Variants in NRROS observed in about 807,000 individuals in gnomAD.
The protein encoded by NRROS is transforming growth factor beta activator LRRC33.
In NRROS, 6 loss-of-function variants were observed where a neutral mutation model predicts 12.0. The observed-to-expected ratio is 0.50, with a 90% CI of 0.27 to 0.98. The LOEUF is 0.98. NRROS is among the 50% of genes least tolerant of loss of function. The probability of loss-of-function intolerance (pLI) is 0.11; values close to 1 mark genes in which losing one functional copy is unlikely to be tolerated. For missense variants in NRROS, 857 were observed against 888.2 expected (o/e 0.96, Z 0.45); for synonymous variants, 462 against 410.2 (o/e 1.13, Z -1.53).
At chr3:196,655,306 C>T (rs1010552719) in intron 2 of NRROS, among the ~76,000 whole-genome samples, 6 of 149,988 alleles carry the variant, frequency 4.0e-5, no homozygotes, top group South Asian at 4.2e-4. Flanking sequence ...AGGCCAAGTC[C>T]GGCGGATCAC....
chr3:196,642,502 A>G (rs867150906), intron 1 of NRROS, among the ~76,000 whole-genome samples: 3 of 152,094 alleles, frequency 2.0e-5, no homozygotes, highest in Non-Finnish European at 4.4e-5. Flanking sequence ...CTATATTCCT[A>G]CTGGTTTGGC....
intron 1 of NRROS, among the ~76,000 whole-genome samples, chr3:196,652,556 G>A (rs1737448486): frequency 6.6e-6 from 1 of 152,172 alleles, no homozygotes; most frequent in Admixed American, 6.6e-5. Context: ...ATCTTCCCAT[G>A]ATATCCTGCT....
chr3:196,643,715 G>GTCC (rs1380697189), intron 1 of NRROS, among the ~76,000 whole-genome samples: 1 of 152,226 alleles, frequency 6.6e-6, no homozygotes, highest in Non-Finnish European at 1.5e-5. Flanking sequence ...CTCCATTTCA[G>GTCC]ATGTCAACTG....
In NRROS at chr3:196,653,120, C is replaced by T. The variant is rs986838290; in HGVS notation, c.-13-1407C>T. ...GTCAGGAACCCGTACACCTCTGCTTCTGCCCTCTCTTCCCTGTGCCGGCCA... is the reference window on the plus strand; with the variant it reads ...GTCAGGAACCCGTACACCTCTGCTTTTGCCCTCTCTTCCCTGTGCCGGCCA... On this transcript the variant is annotated intron_variant, in intron 1 of 2. Coordinates refer to ENST00000328557, the MANE Select transcript of NRROS (RefSeq NM_198565.3). 1.1e-4 allele frequency among the ~76,000 whole-genome samples: 16 copies of T among 152,304 alleles called. No individual in the cohort carries two copies. The East Asian group carries it at 2.7e-3, about 26-fold the overall frequency.
chr3:196,651,746 A>G (rs1737432025), intron 1 of NRROS, among the ~76,000 whole-genome samples: 1 of 152,198 alleles, frequency 6.6e-6, no homozygotes, highest in Non-Finnish European at 1.5e-5. Context: ...AACCTGGGCA[A>G]CAAGAGCAAA....
chr3:196,661,272 G>T lies in NRROS; in HGVS notation c.1629G>T (p.Leu543=). Residue 543 remains leucine, a synonymous_variant, in exon 3 of 3, where the codon CTG becomes CTT. Coordinates refer to ENST00000328557, the MANE Select transcript of NRROS (RefSeq NM_198565.3). Reference sequence around the variant, plus strand: ...TTGGGAATCTCAGGGACTTAGATCTGTCGGGGAATTGCTTGACCACCTTCC... The same window carrying T: ...TTGGGAATCTCAGGGACTTAGATCTTTCGGGGAATTGCTTGACCACCTTCC... ...SGFGNLRDLD[L]SGNCLTTFPR... is the part of the protein sequence containing the mutation. 6.2e-7 allele frequency: 1 copy of T among 1,613,568 alleles called. No individual in the cohort carries two copies. Among genetic ancestry groups the T allele is most frequent in the Non-Finnish European group, 8.5e-7 (1 of 1,179,780 alleles).
rs762848445 is a variant in NRROS at position 196,661,380 on chromosome 3, T to C, written c.1737T>C (p.Ser579=). ...CAGCCCTTCCCCAGAAGGCTGTGTC[T>C]GAGCAGCTCTCGAGAGGTCTGCGGA... ...SLTALPQKAV[S]EQLSRGLRTI... is the part of the protein sequence containing the mutation. Residue 579 remains serine (S), a synonymous_variant, in exon 3 of 3, where the codon TCT becomes TCC. Coordinates refer to ENST00000328557, the MANE Select transcript of NRROS (RefSeq NM_198565.3). 1 of 1,572,280 alleles carries C rather than the reference T, an allele frequency of 6.4e-7. No individual in the cohort carries two copies. The highest frequency in any genetic ancestry group is 1.2e-5 in the South Asian group (1 of 84,132).
chr3:196,647,674 T>G (rs1466667678), intron 1 of NRROS, among the ~76,000 whole-genome samples: 1 of 152,216 alleles, frequency 6.6e-6, no homozygotes, highest in Non-Finnish European at 1.5e-5. Context: ...CACTCTTGGC[T>G]CAGCCTCCCG....
At chr3:196,657,391 C>T (rs1044094440) in intron 2 of NRROS, among the ~76,000 whole-genome samples, 2 of 151,792 alleles carry the variant, frequency 1.3e-5, no homozygotes, top group Non-Finnish European at 2.9e-5. Flanking sequence ...TCCAGTGAGT[C>T]CACACGCAGG....
intron 1 of NRROS, among the ~76,000 whole-genome samples, chr3:196,649,475 C>T (rs1737374831): frequency 6.7e-6 from 1 of 150,062 alleles, no homozygotes; most frequent in South Asian, 2.1e-4. Context: ...ATATTTGTTT[C>T]TCTCTTTTTT....
rs200993753 is a variant in NRROS at position 196,661,529 on chromosome 3, G to A, written c.1886G>A (p.Arg629His). 2.5e-5 allele frequency: 41 copies of A among 1,613,692 alleles called. 1 individual carries two copies. The highest frequency in any genetic ancestry group is 2.2e-4 in the South Asian group (20 of 91,074). ...TGCAACCTCTCCTCCAAGATCATCC[G>A]CGTGACGGAGCTGCCCGGAGGTGTG... ...VTCNLSSKII[R>H]VTELPGGVPR... Residue 629 changes from arginine (R) to histidine (H), a missense_variant, in exon 3 of 3, where the codon CGC becomes CAC. Physicochemically the swap from Arg to His is conservative, Grantham distance 29. Transcript: ENST00000328557.
rs957638478 is a variant in NRROS at position 196,659,660 on chromosome 3, G to T, written c.109-92G>T. The T allele has an allele frequency of 1.7e-5, 22 of 1,315,178 alleles. No homozygotes were observed. In the African/African-American group the frequency reaches 3.1e-4, roughly 19 times the overall value. The allele number at this position is 1,315,178 out of a possible 1,614,324, so 81.5% of individuals were successfully genotyped here. ...ATCTCTAGAGCCATCCCCGGCGGTT[G>T]CAGGGACAGTCTGATAAGTGAACTA... On this transcript the variant is annotated intron_variant, in intron 2 of 2. Coordinates refer to ENST00000328557, the MANE Select transcript of NRROS (RefSeq NM_198565.3).
chr3:196,661,206 G>A lies in NRROS; in HGVS notation c.1563G>A (p.Met521Ile). 1.9e-6 allele frequency: 3 copies of A among 1,613,840 alleles called. No individual in the cohort carries two copies. The highest frequency in any genetic ancestry group is 1.1e-5 in the South Asian group (1 of 91,006). The change falls in exon 3 of 3, where the codon ATG (methionine) becomes ATA (isoleucine). Residue 521 changes from methionine (M) to isoleucine (I), a missense_variant. By Grantham distance (10) the Met-to-Ile change is conservative. Transcript: ENST00000328557. ...PMLQVLSLRNMGLHSSFMALD... is the reference protein window; with the variant it reads ...PMLQVLSLRNIGLHSSFMALD... Reference sequence around the variant, plus strand: ...TACAGGTCCTGTCTCTCAGGAACATGGGCCTCCACTCCAGCTTTATGGCGT... The same window carrying A: ...TACAGGTCCTGTCTCTCAGGAACATAGGCCTCCACTCCAGCTTTATGGCGT...
chr3:196,659,251 A>G (rs1283413884), intron 2 of NRROS, among the ~76,000 whole-genome samples: 3 of 141,140 alleles, frequency 2.1e-5, no homozygotes, highest in East Asian at 2.1e-4. Context: ...CTCCAGACCC[A>G]CTTTACTTCC....
At chr3:196,650,035 C>T (rs1158802437) in intron 1 of NRROS, among the ~76,000 whole-genome samples, 2 of 152,072 alleles carry the variant, frequency 1.3e-5, no homozygotes, top group Non-Finnish European at 2.9e-5. Flanking sequence ...AAGGAGAGGC[C>T]GTCACTCTGG....
intron 1 of NRROS, among the ~76,000 whole-genome samples, chr3:196,652,159 T>C (rs764594113): frequency 3.3e-5 from 5 of 152,222 alleles, no homozygotes; most frequent in Non-Finnish European, 5.9e-5. Flanking sequence ...GAGTTTTTAA[T>C]TGAACCTTCC....
chr3:196,658,339 C>G (rs1737580873), intron 2 of NRROS, among the ~76,000 whole-genome samples: 1 of 152,210 alleles, frequency 6.6e-6, no homozygotes, highest in South Asian at 2.1e-4. Context: ...TGGTGTTTCT[C>G]TGAGAGAGAG....
rs1737502864 is a variant in NRROS, at chr3:196,654,702, G to C, written c.108+55G>C. On this transcript the variant is annotated intron_variant, in intron 2 of 2. Coordinates refer to ENST00000328557, the MANE Select transcript of NRROS (RefSeq NM_198565.3). This position sits in a 1 kb window ranked among gnomAD's most constrained non-coding sequence, Gnocchi z 4.4. ...GCTGCTCCTGTCCTGACAAGGCTTGGTCCATTTGGAAAGCTGACAGATTGT... is the reference window on the plus strand; with the variant it reads ...GCTGCTCCTGTCCTGACAAGGCTTGCTCCATTTGGAAAGCTGACAGATTGT... The C allele has an allele frequency of 2.7e-6, 3 of 1,125,794 alleles. No homozygotes were observed. The highest frequency in any genetic ancestry group is 3.9e-6 in the Non-Finnish European group (3 of 762,534). 69.7% of individuals were successfully genotyped at this position (1,125,794 alleles called of 1,614,324 possible). A position where few individuals can be genotyped will look rare whatever the true frequency, so the allele number is the denominator to read the frequency against.
chr3:196,658,828 G>A (rs562216070), intron 2 of NRROS, among the ~76,000 whole-genome samples: 1 of 152,182 alleles, frequency 6.6e-6, no homozygotes, highest in African/African-American at 2.4e-5. Context: ...AAGTTAGCTG[G>A]GCGTGGTGGC....
Sources: gnomAD v4.1 joint callset for allele counts (sites outside exome capture counted in the v4.1 genomes callset) on GRCh38, gnomAD v4.1.1 for gene constraint, Gnocchi (gnomAD v3.1) non-coding constraint, MANE v1.5 for transcripts, NCBI Gene and HGNC (gene_info 2026-07-23, HGNC 2026-07-21) for gene names.